The following SCAI variants were observed in gnomAD, a reference collection of about 807,000 sequenced individuals.
SCAI encodes protein SCAI.
In SCAI, 24 loss-of-function variants were observed where a neutral mutation model predicts 92.2. That is an observed-to-expected ratio of 0.26 (90% confidence interval 0.19 to 0.37). SCAI has a LOEUF of 0.37. Among genes scored for constraint, SCAI ranks in the 10% least tolerant of loss-of-function variants. The pLI is 1.00. For synonymous variants in SCAI, 261 were observed against 258.6 expected, an observed-to-expected ratio of 1.01 and a Z score of -0.09; for missense variants, 450 against 736.2, an observed-to-expected ratio of 0.61 and a Z score of 4.50.
intron 2 of SCAI, among the ~76,000 whole-genome samples, chr9:125,057,191 T>C (rs903551654): frequency 6.6e-6 from 1 of 152,164 alleles, no homozygotes; most frequent in Non-Finnish European, 1.5e-5. Context: ...TGAATTTTAA[T>C]AGATGGACTG....
chr9:124,966,777 T>C (rs1251487804), intron 17 of SCAI, among the ~76,000 whole-genome samples: 1 of 151,572 alleles, frequency 6.6e-6, no homozygotes, highest in African/African-American at 2.4e-5. Flanking sequence ...GTTTCATTAT[T>C]AAGAGTTTTT....
In SCAI at chr9:124,947,458, T is replaced by A. The variant is rs555662104; in HGVS notation, c.*5349A>T. The A allele has an allele frequency of 6.0e-4, 92 of 152,148 alleles. No homozygotes were observed. The highest frequency in any genetic ancestry group is 3.4e-3 in the Middle Eastern group (1 of 292). 9.4% of individuals were successfully genotyped at this position (152,148 alleles called of 1,614,324 possible). ...TTCAACTCCAAATTAGCCCATTTTATCCAAACACAAGCCTCTCAAAATAGA... is the reference window on the plus strand; with the variant it reads ...TTCAACTCCAAATTAGCCCATTTTAACCAAACACAAGCCTCTCAAAATAGA... On this transcript the variant is annotated 3_prime_UTR_variant, in exon 18 of 18. Transcript: ENST00000336505.
rs150996987 is a variant in SCAI, at chr9:125,114,399, C to A, written c.98+28234G>T. 8.7e-3 allele frequency among the ~76,000 whole-genome samples: 1,319 copies of A among 151,360 alleles called. 19 individuals carry two copies. Among genetic ancestry groups the A allele is most frequent in the Non-Finnish European group, 0.014 (920 of 67,858 alleles). On this transcript the variant is annotated intron_variant, in intron 2 of 17. Coordinates refer to ENST00000336505, the MANE Select transcript of SCAI (RefSeq NM_001144877.3). ...ATTGAAGAATGAAATAAAGTTTTTT[C>A]CTTAAAAAAAAATTATACATCTAGT... is the stretch of plus-strand genomic sequence containing the variant.
At chr9:125,051,937 C>A (rs898039466) in intron 3 of SCAI, among the ~76,000 whole-genome samples, 12 of 151,988 alleles carry the variant, frequency 7.9e-5, no homozygotes, top group African/African-American at 2.9e-4. Context: ...GCACCAACTA[C>A]TAGGGAGGCT....
chr9:125,070,397 C>CTTTTT (rs34011891), intron 2 of SCAI, among the ~76,000 whole-genome samples: 5 of 118,292 alleles, frequency 4.2e-5, no homozygotes, highest in Non-Finnish European at 7.0e-5. Flanking sequence ...TAAAAACAAT[C>CTTTTT]TTTTTTTTTT....
intron 12 of SCAI, among the ~76,000 whole-genome samples, chr9:125,000,544 G>C (rs1832334998): frequency 6.6e-6 from 1 of 151,006 alleles, no homozygotes; most frequent in Non-Finnish European, 1.5e-5. Context: ...CCAGGCTGCA[G>C]TGAACTATGA....
intron 2 of SCAI, among the ~76,000 whole-genome samples, chr9:125,095,348 T>C (rs913625790): frequency 1.3e-5 from 2 of 152,240 alleles, no homozygotes; most frequent in African/African-American, 2.4e-5. Flanking sequence ...CTTAACATTC[T>C]GCACATTAAG....
intron 2 of SCAI, among the ~76,000 whole-genome samples, chr9:125,131,727 T>TAC (rs1835404614): frequency 1.3e-5 from 2 of 152,224 alleles, no homozygotes; most frequent in Admixed American, 1.3e-4. Context: ...CTGACCATGC[T>TAC]ACAAGAAATG....
intron 14 of SCAI, among the ~76,000 whole-genome samples, chr9:124,979,502 T>C (rs991067601): frequency 6.6e-6 from 1 of 151,940 alleles, no homozygotes; most frequent in African/African-American, 2.4e-5. Context: ...ATCATGTCAC[T>C]GTACCCTAGC....
intron 17 of SCAI, among the ~76,000 whole-genome samples, chr9:124,958,848 A>C (rs1712575979): frequency 6.6e-6 from 1 of 150,686 alleles, no homozygotes; most frequent in African/African-American, 2.4e-5. Flanking sequence ...CAGAGGTTGC[A>C]GTGAGCCAAG....
chr9:125,071,033 C>T lies in SCAI; in HGVS notation c.99-15026G>A, dbSNP rs138475202. On this transcript the variant is annotated intron_variant, in intron 2 of 17. Coordinates refer to ENST00000336505, the MANE Select transcript of SCAI (RefSeq NM_001144877.3). ...TGGTTTTATAAGAGGAAACCCCTTT[C>T]GCTTGGTTCTCATTTTCTCTCTTGT... Among the ~76,000 whole-genome samples, 35 of 152,212 alleles carry T rather than the reference C, an allele frequency of 2.3e-4. No individual in the cohort carries two copies. The East Asian group carries it at 6.0e-3, about 26-fold the overall frequency.
intron 3 of SCAI, among the ~76,000 whole-genome samples, chr9:125,030,543 G>A (rs964466140): frequency 3.9e-5 from 6 of 152,228 alleles, no homozygotes; most frequent in African/African-American, 9.6e-5. Context: ...GCCTTACTTC[G>A]GAAAAGCTAG....
chr9:125,100,838 T>C (rs1256277757), intron 2 of SCAI, among the ~76,000 whole-genome samples: 1 of 152,132 alleles, frequency 6.6e-6, no homozygotes, highest in Non-Finnish European at 1.5e-5. Context: ...GGAAATGTGG[T>C]AGAAAATTAT....
chr9:124,985,849 G>C (rs1279312891), intron 14 of SCAI, among the ~76,000 whole-genome samples: 1 of 140,592 alleles, frequency 7.1e-6, no homozygotes, highest in Non-Finnish European at 1.5e-5. Flanking sequence ...GGCAACAAGA[G>C]TGAAACTCTG....
chr9:124,975,583 G>A (rs1831738260), intron 15 of SCAI, among the ~76,000 whole-genome samples: 1 of 152,172 alleles, frequency 6.6e-6, no homozygotes, highest in South Asian at 2.1e-4. Context: ...ACACTAACCT[G>A]TCTCTCTGGC....
chr9:125,137,513 A>AG (rs1835565582), intron 2 of SCAI, among the ~76,000 whole-genome samples: 2 of 152,228 alleles, frequency 1.3e-5, no homozygotes, highest in Non-Finnish European at 2.9e-5. Context: ...AAACCATCAG[A>AG]GAGCCATATA....
chr9:124,985,557 A>G (rs979735756), intron 14 of SCAI, among the ~76,000 whole-genome samples: 1 of 152,210 alleles, frequency 6.6e-6, no homozygotes, highest in Non-Finnish European at 1.5e-5. Flanking sequence ...AAACAGCAAA[A>G]TCAGATTTCA....
chr9:125,124,270 T>C (rs888481146), intron 2 of SCAI, among the ~76,000 whole-genome samples: 1 of 151,916 alleles, frequency 6.6e-6, no homozygotes, highest in African/African-American at 2.4e-5. Flanking sequence ...GAGGTAGAGG[T>C]AGAGAGACAG....
chr9:124,988,258 C>G (rs1832040222), intron 14 of SCAI, among the ~76,000 whole-genome samples: 1 of 152,012 alleles, frequency 6.6e-6, no homozygotes, highest in African/African-American at 2.4e-5. Context: ...AGTCCCAGAG[C>G]TCAGTTGGAA....
Sources: gnomAD v4.1 joint callset for allele counts (sites outside exome capture counted in the v4.1 genomes callset) on GRCh38, gnomAD v4.1.1 for gene constraint, MANE v1.5 for transcripts, NCBI Gene and HGNC (gene_info 2026-07-23, HGNC 2026-07-21) for gene names.